The following ATAD2B variants were observed in gnomAD, a reference collection of about 807,000 sequenced individuals.
ATAD2B encodes the protein ATPase family AAA domain-containing protein 2B.
ATAD2B carries 40 observed loss-of-function variants against 167.6 expected under a neutral mutation model. The observed-to-expected ratio is 0.24, with a 90% CI of 0.19 to 0.31. The LOEUF is 0.31. Among genes scored for constraint, ATAD2B ranks in the 10% least tolerant of loss-of-function variants. The pLI is 1.00. For missense variants in ATAD2B, 1,242 were observed against 1,757.2 expected, an observed-to-expected ratio of 0.71 and a Z score of 5.24; for synonymous variants, 579 against 596.5, an observed-to-expected ratio of 0.97 and a Z score of 0.43.
intron 19 of ATAD2B, among the ~76,000 whole-genome samples, chr2:23,789,673 T>TA (rs777066798): frequency 1.4e-4 from 21 of 152,154 alleles, no homozygotes; most frequent in Non-Finnish European, 2.8e-4. Flanking sequence ...ACATTTGTGG[T>TA]AAAATTTGAA....
chr2:23,903,287 T>C (rs1269268610), intron 1 of ATAD2B, among the ~76,000 whole-genome samples: 1 of 145,432 alleles, frequency 6.9e-6, no homozygotes, highest in Non-Finnish European at 1.6e-5. Context: ...TCAAGTCTTC[T>C]ATAGAAGTGG....
chr2:23,880,143 T>C (rs2150201050), intron 7 of ATAD2B, among the ~76,000 whole-genome samples: 1 of 152,060 alleles, frequency 6.6e-6, no homozygotes, highest in Non-Finnish European at 1.5e-5. Flanking sequence ...CTATACAGTG[T>C]AATGCAAAAG....
chr2:23,809,509 C>A (rs1156474972), intron 18 of ATAD2B, among the ~76,000 whole-genome samples: 2 of 152,010 alleles, frequency 1.3e-5, no homozygotes, highest in African/African-American at 2.4e-5. Flanking sequence ...GGGAAAAAAA[C>A]AACAAAATTG....
intron 7 of ATAD2B, among the ~76,000 whole-genome samples, chr2:23,878,210 A>T (rs902239253): frequency 1.5e-3 from 220 of 151,526 alleles, no homozygotes; most frequent in African/African-American, 5.2e-3. Flanking sequence ...AAAATACAAA[A>T]ATTAGCCAGG....
At chr2:23,864,739 G>A in intron 11 of ATAD2B, 70 bp downstream of exon 11, 1 of 649,168 alleles carries the variant, frequency 1.5e-6, no homozygotes. Flanking sequence ...TATATTTATA[G>A]CAATTTACTC....
At chr2:23,712,985 C>T in the ATAD2B span, among the ~76,000 whole-genome samples, 1 of 152,314 alleles carries the variant, frequency 6.6e-6, no homozygotes, top group East Asian at 1.9e-4. Context: ...CAGCACCAGC[C>T]AGATTACCCC....
chr2:23,780,617 AGG>A (rs1291124624), intron 22 of ATAD2B, among the ~76,000 whole-genome samples: 2 of 152,086 alleles, frequency 1.3e-5, no homozygotes, highest in African/African-American at 4.8e-5. Context: ...AACAAAGCAC[AGG>A]CCAGGCGCGG....
the ATAD2B span, chr2:23,695,826 GA>G: frequency 6.5e-7 from 1 of 1,546,336 alleles, no homozygotes; most frequent in South Asian, 1.2e-5. The surrounding 1 kb of genome is among the most constrained non-coding windows in gnomAD (Gnocchi z 7.6). Flanking sequence ...CTGCAGGTAT[GA>G]AGGGGCACGC....
intron 1 of ATAD2B, among the ~76,000 whole-genome samples, chr2:23,902,812 TC>T (rs2150428076): frequency 6.6e-6 from 1 of 152,266 alleles, no homozygotes; most frequent in East Asian, 1.9e-4. Flanking sequence ...ACACCTGTAA[TC>T]CCAACATTTT....
At chr2:23,890,863 T>C (rs1041870960) in intron 2 of ATAD2B, among the ~76,000 whole-genome samples, 1 of 152,156 alleles carries the variant, frequency 6.6e-6, no homozygotes, top group Non-Finnish European at 1.5e-5. Context: ...TAATGAAAGA[T>C]CTGTTTTAAG....
chr2:23,762,410 T>TA (rs1050969059), intron 23 of ATAD2B, 64 bp from the exon 24 acceptor site: 6 of 1,496,178 alleles, frequency 4.0e-6, no homozygotes, highest in South Asian at 2.6e-5. Context: ...AAAAGGTTTT[T>TA]AAAAAAATCT....
chr2:23,785,594 T>A (rs553152106), intron 21 of ATAD2B, among the ~76,000 whole-genome samples: 1 of 152,050 alleles, frequency 6.6e-6, no homozygotes, highest in African/African-American at 2.4e-5. Flanking sequence ...TTCCAAAATA[T>A]GAAAGACAAA....
intron 13 of ATAD2B, among the ~76,000 whole-genome samples, chr2:23,842,658 G>A (rs908790246): frequency 6.6e-6 from 1 of 152,092 alleles, no homozygotes; most frequent in African/African-American, 2.4e-5. Context: ...AGAGAAGGTA[G>A]GAAGTTATTA....
the ATAD2B span, among the ~76,000 whole-genome samples, chr2:23,699,035 A>G: frequency 6.6e-6 from 1 of 152,222 alleles, no homozygotes; most frequent in African/African-American, 2.4e-5. Flanking sequence ...CACTTACTCC[A>G]TTGCATATAA....
At chr2:23,853,720 A>G (rs997603013) in intron 13 of ATAD2B, among the ~76,000 whole-genome samples, 1 of 152,244 alleles carries the variant, frequency 6.6e-6, no homozygotes, top group Non-Finnish European at 1.5e-5. Flanking sequence ...ATGTAAATGG[A>G]AAGATAATAG....
At chr2:23,775,433 C>T (rs1387561134) in intron 22 of ATAD2B, among the ~76,000 whole-genome samples, 2 of 151,952 alleles carry the variant, frequency 1.3e-5, no homozygotes, top group African/African-American at 2.4e-5. Context: ...AGGATGGTCT[C>T]GATCTCTTGC....
At chr2:23,889,457 C>T (rs566169352) in intron 2 of ATAD2B, among the ~76,000 whole-genome samples, 3 of 151,790 alleles carry the variant, frequency 2.0e-5, no homozygotes, top group Middle Eastern at 3.2e-3. Flanking sequence ...CGTAAGCCAC[C>T]GCGCCCAGCC....
In ATAD2B at chr2:23,757,765, A is replaced by G. The variant is rs1375890275; in HGVS notation, c.3731T>C (p.Leu1244Pro). Residue 1244 changes from leucine (L) to proline (P), a missense_variant, in exon 25 of 28, where the codon CTG becomes CCG. Coordinates refer to ENST00000238789, the MANE Select transcript of ATAD2B (RefSeq NM_017552.4). Reference sequence around the variant, plus strand: ...GTTTAAGGAACTGCTGCTGTTGACCAGTAGAGATTCATTTGAACTTTCCTC... The same window carrying G: ...GTTTAAGGAACTGCTGCTGTTGACCGGTAGAGATTCATTTGAACTTTCCTC... ...TEEESSNESL[L>P]VNSSSSLNPE... 2.0e-5 allele frequency: 31 copies of G among 1,589,478 alleles called. No individual in the cohort carries two copies. The highest frequency in any genetic ancestry group is 2.6e-5 in the Non-Finnish European group (31 of 1,171,792).
intron 1 of ATAD2B, among the ~76,000 whole-genome samples, chr2:23,916,417 C>G (rs752313547): frequency 6.6e-6 from 1 of 151,996 alleles, no homozygotes; most frequent in Non-Finnish European, 1.5e-5. Flanking sequence ...TTTTTTTAAC[C>G]AACTTCTAAA....
Sources: gnomAD v4.1 joint callset for allele counts (sites outside exome capture counted in the v4.1 genomes callset) on GRCh38, gnomAD v4.1.1 for gene constraint, Gnocchi (gnomAD v3.1) non-coding constraint, MANE v1.5 for transcripts, NCBI Gene and HGNC (gene_info 2026-07-23, HGNC 2026-07-21) for gene names.